Variants in UST observed in about 807,000 individuals in gnomAD.
The protein encoded by UST is chondroitin sulfate 2-O-sulfotransferase.
In UST, 21 loss-of-function variants were observed where a neutral mutation model predicts 45.6. The ratio of observed to expected loss-of-function variants is 0.46; its 90% CI spans 0.33 to 0.66. The LOEUF (loss-of-function observed/expected upper bound fraction) is 0.66. UST is among the 30% of genes least tolerant of loss of function. UST has a pLI of 0.02. For missense variants in UST, 463 were observed against 512.4 expected, an observed-to-expected ratio of 0.90 and a Z score of 0.93; for synonymous variants, 215 against 200.6, an observed-to-expected ratio of 1.07 and a Z score of -0.61.
intron 1 of UST, among the ~76,000 whole-genome samples, chr6:148,876,021 CT>C (rs1164875971): frequency 6.6e-6 from 1 of 152,086 alleles, no homozygotes; most frequent in Non-Finnish European, 1.5e-5. Flanking sequence ...TAAAGAAATA[CT>C]GGTGACTAGG....
In UST at chr6:149,019,179, C is replaced by G; in HGVS notation, c.722C>G (p.Ser241Cys). The G allele has an allele frequency of 6.2e-7, 1 of 1,614,068 alleles. No homozygotes were observed. The highest frequency in any genetic ancestry group is 8.5e-7 in the Non-Finnish European group (1 of 1,179,990). ...ECILENYPEC[S>C]NPRLFYIIPY... is the part of the protein sequence containing the mutation. ...ATTCTTGAAAACTATCCCGAGTGCT[C>G]CAACCCCAGGTTATTTTACATCATT... The change falls in exon 6 of 8, where the codon TCC becomes TGC. Residue 241 changes from serine (S) to cysteine (C), a missense_variant. Coordinates refer to ENST00000367463, the MANE Select transcript of UST (RefSeq NM_005715.3).
At chr6:148,955,300 T>G (rs1442050489) in intron 4 of UST, among the ~76,000 whole-genome samples, 1 of 152,214 alleles carries the variant, frequency 6.6e-6, no homozygotes, top group Non-Finnish European at 1.5e-5. Context: ...GGAAGAAGAT[T>G]TCAGCCATCC....
intron 1 of UST, among the ~76,000 whole-genome samples, chr6:148,766,978 A>G (rs1432734662): frequency 1.3e-5 from 2 of 152,234 alleles, no homozygotes; most frequent in African/African-American, 2.4e-5. Flanking sequence ...GGCATCTCTC[A>G]AACTTTAATG....
chr6:148,881,502 C>T (rs1209345430), intron 1 of UST, among the ~76,000 whole-genome samples: 1 of 152,184 alleles, frequency 6.6e-6, no homozygotes, highest in Non-Finnish European at 1.5e-5. Flanking sequence ...TGGCACAGTG[C>T]TGCCGTCTGG....
intron 1 of UST, among the ~76,000 whole-genome samples, chr6:148,876,896 C>G (rs915854634): frequency 6.8e-6 from 1 of 147,352 alleles, no homozygotes; most frequent in South Asian, 2.2e-4. Context: ...AGGGATGAGA[C>G]CAGAGGGTAT....
At chr6:148,818,217 C>T (rs1377065573) in intron 1 of UST, among the ~76,000 whole-genome samples, 1 of 149,446 alleles carries the variant, frequency 6.7e-6, no homozygotes, top group Non-Finnish European at 1.5e-5. Flanking sequence ...TGGCATACAT[C>T]TTGCAGTCGA....
At chr6:148,798,461 C>A (rs1003721406) in intron 1 of UST, among the ~76,000 whole-genome samples, 1 of 152,122 alleles carries the variant, frequency 6.6e-6, no homozygotes, top group African/African-American at 2.4e-5. Context: ...ACAGATCACG[C>A]TCTCAGGAGC....
chr6:149,039,946 C>T (rs958637860), intron 7 of UST, among the ~76,000 whole-genome samples: 2 of 152,216 alleles, frequency 1.3e-5, no homozygotes, highest in African/African-American at 4.8e-5. Flanking sequence ...GACCTCCTGC[C>T]TGGCAGAGTT....
intron 1 of UST, among the ~76,000 whole-genome samples, chr6:148,826,033 T>G (rs1190962014): frequency 1.3e-5 from 2 of 152,056 alleles, no homozygotes; most frequent in African/African-American, 2.4e-5. Flanking sequence ...ATGGAATGAG[T>G]CAAGATTGGG....
chr6:149,010,913 A>AAAAAAAACAAAAAAAAAAAAAAAAAC (rs755674810), intron 5 of UST, among the ~76,000 whole-genome samples: 4 of 92,994 alleles, frequency 4.3e-5, no homozygotes, highest in African/African-American at 8.7e-5. Flanking sequence ...AAAAAAAAAA[A>AAAAAAAACAAAAAAAAAAAAAAAAAC]AAAAAACTGT....
chr6:148,914,842 C>T (rs7770750), intron 2 of UST, among the ~76,000 whole-genome samples: 142,957 of 152,236 alleles, frequency 0.94, 67,241 homozygotes, highest in Middle Eastern at 0.96. Context: ...GATATTTATA[C>T]ATGTAATATA....
Position 149,005,282 on chromosome 6 carries a change from A to G in UST, c.682-13857A>G, listed in dbSNP as rs193247110. 5.4e-5 allele frequency: 53 copies of G among 985,372 alleles called. No individual in the cohort carries two copies. In the South Asian group the frequency reaches 2.3e-3, roughly 43 times the overall value. 61.0% of individuals were successfully genotyped at this position (985,372 alleles called of 1,614,324 possible). ...TTTCCTTTTACTGGGAACTCCTTAC[A>G]TCCCTCTCTTCTGGGTCCAGGATCA... On this transcript the variant is annotated intron_variant, in intron 5 of 7. Coordinates refer to ENST00000367463, the MANE Select transcript of UST (RefSeq NM_005715.3).
chr6:148,830,432 G>A (rs889583005), intron 1 of UST, among the ~76,000 whole-genome samples: 5 of 152,132 alleles, frequency 3.3e-5, no homozygotes, highest in East Asian at 3.8e-4. Context: ...AAAGACGACC[G>A]GACTAAGCAG....
chr6:148,825,042 G>A (rs899842363), intron 1 of UST, among the ~76,000 whole-genome samples: 12 of 151,890 alleles, frequency 7.9e-5, no homozygotes, highest in Admixed American at 2.6e-4. Context: ...GTATTCCATG[G>A]TGTATATGTG....
intron 1 of UST, among the ~76,000 whole-genome samples, chr6:148,836,007 G>T (rs1407492477): frequency 6.6e-6 from 1 of 152,096 alleles, no homozygotes; most frequent in Non-Finnish European, 1.5e-5. Context: ...AATGAGCAGT[G>T]CTGATTTACA....
chr6:148,862,410 C>G (rs896567276), intron 1 of UST, among the ~76,000 whole-genome samples: 5 of 152,152 alleles, frequency 3.3e-5, no homozygotes, highest in African/African-American at 1.2e-4. Flanking sequence ...TGAGATGGGT[C>G]TCCTGAATAC....
chr6:148,754,908 G>A (rs1776065897), intron 1 of UST, among the ~76,000 whole-genome samples: 1 of 151,992 alleles, frequency 6.6e-6, no homozygotes, highest in Admixed American at 6.5e-5. Flanking sequence ...GAATCCTGGG[G>A]GTCTTGTTTT....
rs536464090 is a variant in UST at position 148,840,227 on chromosome 6, G to C, written c.248-46759G>C. Among the ~76,000 whole-genome samples, 4 of 152,276 alleles carry C rather than the reference G, an allele frequency of 2.6e-5. No homozygotes were observed. In the East Asian group the frequency reaches 7.7e-4, roughly 29 times the overall value. ...GGATGGAAACTTGGACTTTGCATCT[G>C]GGGCTGCACTGCTAGAGATGCTGCT... is the stretch of plus-strand genomic sequence containing the variant. On this transcript the variant is annotated intron_variant, in intron 1 of 7. Coordinates refer to ENST00000367463, the MANE Select transcript of UST (RefSeq NM_005715.3).
At chr6:148,958,114 T>G (rs1185285251) in intron 4 of UST, among the ~76,000 whole-genome samples, 1 of 152,190 alleles carries the variant, frequency 6.6e-6, no homozygotes, top group Non-Finnish European at 1.5e-5. Context: ...ACCTTGAAAT[T>G]TAGACAGTCT....
Sources: allele counts gnomAD v4.1 joint callset (sites outside exome capture counted in the v4.1 genomes callset), GRCh38; gene constraint gnomAD v4.1.1; transcripts MANE v1.5; gene names NCBI Gene and HGNC (gene_info 2026-07-23, HGNC 2026-07-21).